The following ANO10 variants were observed in gnomAD, a reference collection of about 807,000 sequenced individuals.
ANO10 encodes the protein anoctamin 10.
ANO10 carries 77 observed loss-of-function variants against 74.7 expected under a neutral mutation model. The observed-to-expected ratio is 1.03, with a 90% confidence interval of 0.86 to 1.25. The LOEUF (loss-of-function observed/expected upper bound fraction) is 1.25. ANO10 is among the 50% of genes most tolerant of loss of function. The probability of loss-of-function intolerance (pLI) is 0.00; values close to 1 mark genes in which losing one functional copy is unlikely to be tolerated. For synonymous variants in ANO10, 279 were observed against 284.9 expected (o/e 0.98, Z 0.21); for missense variants, 721 against 778.1 (o/e 0.93, Z 0.87).
At chr3:43,483,558 C>G (rs1228585394) in intron 11 of ANO10, among the ~76,000 whole-genome samples, 1 of 152,202 alleles carries the variant, frequency 6.6e-6, no homozygotes, top group Non-Finnish European at 1.5e-5. Flanking sequence ...TAAGTCAACA[C>G]TACCCACATG....
intron 1 of ANO10, among the ~76,000 whole-genome samples, chr3:43,682,086 G>A (rs1397723424): frequency 2.6e-5 from 4 of 152,098 alleles, no homozygotes; most frequent in Admixed American, 6.6e-5. Flanking sequence ...GACCAGAGCC[G>A]AACTGAAGGA....
intron 11 of ANO10, among the ~76,000 whole-genome samples, chr3:43,483,365 C>T (rs1305746529): frequency 6.6e-6 from 1 of 151,998 alleles, no homozygotes; most frequent in Non-Finnish European, 1.5e-5. Flanking sequence ...TTGTTCTTTC[C>T]ATTTGCATTG....
chr3:43,541,868 CA>C (rs1259695784), intron 11 of ANO10, among the ~76,000 whole-genome samples: 1 of 152,110 alleles, frequency 6.6e-6, no homozygotes, highest in African/African-American at 2.4e-5. Context: ...CTAGGTTATC[CA>C]AGGATGGAAT....
chr3:43,527,953 G>C (rs2078280902), intron 11 of ANO10, among the ~76,000 whole-genome samples: 1 of 152,116 alleles, frequency 6.6e-6, no homozygotes, highest in South Asian at 2.1e-4. Context: ...GAAGGCTCAG[G>C]TATCTCCTGG....
At chr3:43,444,152 C>T (rs1469540675) in intron 11 of ANO10, among the ~76,000 whole-genome samples, 1 of 152,126 alleles carries the variant, frequency 6.6e-6, no homozygotes, top group Non-Finnish European at 1.5e-5. Context: ...AATCAAGAGG[C>T]TTGTTGTAGT....
chr3:43,510,938 T>A (rs757756242), intron 11 of ANO10, among the ~76,000 whole-genome samples: 4 of 152,212 alleles, frequency 2.6e-5, no homozygotes. Flanking sequence ...CAATCATATT[T>A]AGTTTTAGTA....
chr3:43,677,717 T>C (rs1162609729), intron 1 of ANO10, among the ~76,000 whole-genome samples: 1 of 152,228 alleles, frequency 6.6e-6, no homozygotes, highest in East Asian at 1.9e-4. Flanking sequence ...CTTGGTGCTC[T>C]GCACATGGTT....
intron 1 of ANO10, among the ~76,000 whole-genome samples, chr3:43,656,523 G>C (rs142829284): frequency 0.019 from 2,914 of 152,342 alleles, 40 homozygotes; most frequent in Non-Finnish European, 0.03. Flanking sequence ...GCCCATGGAG[G>C]GGGTGGGAGG....
In ANO10 at chr3:43,442,022, T is replaced by C. The variant is rs1348065086; in HGVS notation, c.1798-9295A>G. On this transcript the variant is annotated intron_variant, in intron 11 of 12. Transcript: ENST00000292246. ...ACCTTAACATACTAAAGGTTATATATGAAAAAGCCTAGAGCTAACGTCATA... is the reference window on the plus strand; with the variant it reads ...ACCTTAACATACTAAAGGTTATATACGAAAAAGCCTAGAGCTAACGTCATA... 5.3e-5 allele frequency among the ~76,000 whole-genome samples: 8 copies of C among 152,226 alleles called. No homozygotes were observed. In the East Asian group the frequency reaches 1.5e-3, roughly 29 times the overall value.
rs527961665 is a variant in ANO10 at position 43,648,930 on chromosome 3, G to C, written c.-12+42587C>G. Among the ~76,000 whole-genome samples, 37 of 152,090 alleles carry C rather than the reference G, an allele frequency of 2.4e-4. 1 individual carries two copies. Among genetic ancestry groups the C allele is most frequent in the South Asian group, 4.1e-4 (2 of 4,834 alleles). On this transcript the variant is annotated intron_variant, in intron 1 of 3. Transcript: ENST00000413397. ...CTGACCTCGTGATCCGCCCATCTTG[G>C]CCTCCCAAAGTGCTGGGATTACAGG...
At chr3:43,604,169 A>T (rs1397635041) in intron 2 of ANO10, among the ~76,000 whole-genome samples, 1 of 152,082 alleles carries the variant, frequency 6.6e-6, no homozygotes, top group Admixed American at 6.5e-5. Flanking sequence ...GCGTGCTCAG[A>T]TCAGGGTAGT....
At chr3:43,375,043 C>A (rs971146076) in intron 12 of ANO10, among the ~76,000 whole-genome samples, 1 of 151,986 alleles carries the variant, frequency 6.6e-6, no homozygotes, top group Admixed American at 6.6e-5. Context: ...ACCACATGAA[C>A]CCGGGAGGCG....
chr3:43,489,881 T>G (rs1284539366), intron 11 of ANO10, among the ~76,000 whole-genome samples: 3 of 150,994 alleles, frequency 2.0e-5, no homozygotes, highest in Non-Finnish European at 4.4e-5. Flanking sequence ...AAAAAAAAAC[T>G]ATCTTACAAA....
intron 11 of ANO10, among the ~76,000 whole-genome samples, chr3:43,543,114 ATCTC>A (rs995859412): frequency 9.2e-5 from 14 of 151,994 alleles, no homozygotes; most frequent in Admixed American, 4.6e-4. Flanking sequence ...ATATCTATAA[ATCTC>A]TCTCTCTTCT....
intron 1 of ANO10, chr3:43,691,055 AG>A (rs2084366609): frequency 4.5e-6 from 7 of 1,544,594 alleles, no homozygotes; most frequent in East Asian, 2.7e-5. Context: ...CGCAGCCGGC[AG>A]GGGGCTTCGT....
At chr3:43,501,348 C>T (rs1030161460) in intron 11 of ANO10, among the ~76,000 whole-genome samples, 11 of 152,164 alleles carry the variant, frequency 7.2e-5, no homozygotes, top group African/African-American at 2.7e-4. Flanking sequence ...GAGGGATCTG[C>T]CCGCATGACC....
chr3:43,523,391 GAAGGA>G (rs992348534), intron 11 of ANO10, among the ~76,000 whole-genome samples: 1 of 152,202 alleles, frequency 6.6e-6, no homozygotes, highest in African/African-American at 2.4e-5. Flanking sequence ...GGCTTTTAAG[GAAGGA>G]GTAAGATCAG....
At chr3:43,532,387 G>T (rs905315464) in intron 11 of ANO10, among the ~76,000 whole-genome samples, 1 of 152,178 alleles carries the variant, frequency 6.6e-6, no homozygotes, top group Non-Finnish European at 1.5e-5. Context: ...ACAGGTAGGT[G>T]TATACATGCA....
intron 11 of ANO10, among the ~76,000 whole-genome samples, chr3:43,501,707 A>G (rs2077106523): frequency 6.6e-6 from 1 of 152,206 alleles, no homozygotes; most frequent in Non-Finnish European, 1.5e-5. Context: ...GCCCAGCATA[A>G]TAATGTCCAC....
Sources: allele counts gnomAD v4.1 joint callset (sites outside exome capture counted in the v4.1 genomes callset), GRCh38; gene constraint gnomAD v4.1.1; transcripts MANE v1.5; gene names NCBI Gene and HGNC (gene_info 2026-07-23, HGNC 2026-07-21).